The following MYH11 variants were observed in gnomAD, a reference collection of about 807,000 sequenced individuals.
MYH11 encodes myosin heavy chain 11.
A neutral mutation model predicts 246.6 loss-of-function variants in MYH11; 80 were observed. The ratio of observed to expected loss-of-function variants is 0.32; its 90% CI spans 0.27 to 0.39. The LOEUF (loss-of-function observed/expected upper bound fraction) is 0.39. Among genes scored for constraint, MYH11 ranks in the 10% least tolerant of loss-of-function variants. MYH11 has a pLI of 1.00. For synonymous variants in MYH11, 1,071 were observed against 1,015.5 expected, an observed-to-expected ratio of 1.05 and a Z score of -1.04; for missense variants, 2,158 against 2,546.8, an observed-to-expected ratio of 0.85 and a Z score of 3.29.
chr16:15,784,710 T>TGGG (rs770162554), intron 5 of MYH11: 2 of 1,613,890 alleles, frequency 1.2e-6, no homozygotes, highest in East Asian at 4.5e-5. Flanking sequence ...AGGCAAAAGA[T>TGGG]GGGCCTTGCT....
intron 5 of MYH11, chr16:15,786,206 G>A: frequency 2.8e-6 from 1 of 355,112 alleles, no homozygotes. Flanking sequence ...AGATATTTTT[G>A]GTTGTCACAA....
intron 40 of MYH11, among the ~76,000 whole-genome samples, chr16:15,707,061 TAG>T (rs970320643): frequency 1.4e-4 from 21 of 152,172 alleles, no homozygotes; most frequent in African/African-American, 2.2e-4. Context: ...TTTTTTGAAA[TAG>T]AGTCTCGCTG....
chr16:15,741,720 C>T (rs2041278059), intron 21 of MYH11, 40 bp downstream of exon 21: 3 of 1,614,112 alleles, frequency 1.9e-6, no homozygotes, highest in Non-Finnish European at 2.5e-6. Flanking sequence ...GGGCCAAGTC[C>T]TGTTCCCCAG....
chr16:15,762,043 C>T (rs945553342), intron 10 of MYH11, among the ~76,000 whole-genome samples: 4 of 152,238 alleles, frequency 2.6e-5, no homozygotes, highest in Admixed American at 6.5e-5. Context: ...GGCACAATCT[C>T]GGCGCACTGC....
chr16:15,751,495 C>T (rs953225032), intron 15 of MYH11, among the ~76,000 whole-genome samples: 6 of 151,796 alleles, frequency 4.0e-5, no homozygotes, highest in Non-Finnish European at 5.9e-5. Flanking sequence ...TCATCATCAT[C>T]ACCTCCAAGG....
At chr16:15,745,582 CTTTTTT>C (rs71981525) in intron 19 of MYH11, among the ~76,000 whole-genome samples, 2 of 94,412 alleles carry the variant, frequency 2.1e-5, no homozygotes, top group African/African-American at 8.1e-5. Flanking sequence ...TTCTTTCTTT[CTTTTTT>C]TTTTTTTTTT....
chr16:15,705,984 C>CAAAAAAAAAAAAAAA (rs57451847), intron 40 of MYH11, among the ~76,000 whole-genome samples: 718 of 56,734 alleles, frequency 0.013, 176 homozygotes, highest in African/African-American at 0.065. Flanking sequence ...GACTCCGTCT[C>CAAAAAAAAAAAAAAA]AAAAAAAAAA....
chr16:15,806,141 G>A (rs998240696), intron 3 of MYH11, among the ~76,000 whole-genome samples: 45 of 151,650 alleles, frequency 3.0e-4, no homozygotes, highest in African/African-American at 9.2e-4. Flanking sequence ...GCCAGGTGTG[G>A]TGGCACGTGC....
At chr16:15,764,537 G>A (rs1240237504) in intron 9 of MYH11, among the ~76,000 whole-genome samples, 2 of 152,062 alleles carry the variant, frequency 1.3e-5, no homozygotes, top group Non-Finnish European at 2.9e-5. Flanking sequence ...AAAGAGGACA[G>A]ATGGAAACAA....
chr16:15,833,369 G>GAGGA (rs2043797551), intron 2 of MYH11, among the ~76,000 whole-genome samples: 1 of 127,996 alleles, frequency 7.8e-6, no homozygotes, highest in African/African-American at 2.8e-5. Context: ...AAGAAAGAGA[G>GAGGA]AGGGAGGGAG....
chr16:15,852,248 A>C (rs1267774801), intron 1 of MYH11, among the ~76,000 whole-genome samples: 2 of 150,932 alleles, frequency 1.3e-5, no homozygotes, highest in Non-Finnish European at 2.9e-5. Flanking sequence ...CCTGGAAAAT[A>C]TTGTCTTCCA....
chr16:15,724,510 G>T lies in MYH11; in HGVS notation c.4117-101C>A, dbSNP rs886051742. ...GAAGCGAAGACCATGTCTCCTCGTT[G>T]GAGAAACCCAATAGCAGGGGAAGCT... On this transcript the variant is annotated intron_variant, in intron 30 of 40. Transcript: ENST00000300036. The T allele has an allele frequency of 7.3e-5, 118 of 1,607,512 alleles. No homozygotes were observed. Among genetic ancestry groups the T allele is most frequent in the Non-Finnish European group, 1.5e-5 (18 of 1,177,448 alleles).
intron 2 of MYH11, among the ~76,000 whole-genome samples, chr16:15,827,550 G>A (rs2043605003): frequency 6.6e-6 from 1 of 152,110 alleles, no homozygotes; most frequent in African/African-American, 2.4e-5. Flanking sequence ...TGCCTGCCTG[G>A]ACACCCCTCT....
rs202136377 is a variant in MYH11, at chr16:15,737,547, G to A, written c.3195C>T (p.Ser1065=). 1.8e-5 allele frequency: 29 copies of A among 1,613,924 alleles called. No individual in the cohort carries two copies. The highest frequency in any genetic ancestry group is 1.6e-4 in the South Asian group (15 of 91,082). ...GGTCAGCGATCTGCTCGTGGAAGTC[G>A]CTGGCATCACCCTCCAGCTTCCGTT... ...KLKRKLEGDA[S]DFHEQIADLQ... Residue 1065 remains serine, a synonymous_variant, in exon 25 of 41, where the codon AGC becomes AGT. Transcript: ENST00000300036.
intron 3 of MYH11, among the ~76,000 whole-genome samples, chr16:15,807,026 G>A (rs183123852): frequency 1.3e-5 from 2 of 151,968 alleles, no homozygotes; most frequent in African/African-American, 2.4e-5. Flanking sequence ...GCAGTAGCAC[G>A]ATCATAGCTA....
chr16:15,720,233 C>A lies in MYH11; in HGVS notation c.4871G>T (p.Gly1624Val). 6.2e-7 allele frequency: 1 copy of A among 1,614,124 alleles called. No individual in the cohort carries two copies. Among genetic ancestry groups the A allele is most frequent in the East Asian group, 2.2e-5 (1 of 44,878 alleles). Residue 1624 changes from glycine (G) to valine (V), a missense_variant, in exon 34 of 41, where the codon GGG becomes GTG. Transcript: ENST00000300036. ...LAAAAKKKLE[G>V]DLKDLELQAD... ...CTGAAGCTCCAGGTCTTTCAGGTCC[C>A]CTTCCAGCTTCTTCTTTGCTGCAGC...
rs538479441 is a variant in MYH11, at chr16:15,762,099, T to C, written c.1130-1441A>G. Among the ~76,000 whole-genome samples the C allele has an allele frequency of 8.5e-5, 13 of 152,318 alleles. No individual in the cohort carries two copies. In the East Asian group the frequency reaches 9.7e-4, roughly 11 times the overall value. Reference sequence around the variant, plus strand: ...AAGCAGTTCTCCTGCCTCAGCCTCCTGAGTAGCTGGGATTACAGGCGCCTG... The same window carrying C: ...AAGCAGTTCTCCTGCCTCAGCCTCCCGAGTAGCTGGGATTACAGGCGCCTG... On this transcript the variant is annotated intron_variant, in intron 10 of 40. Transcript: ENST00000300036.
chr16:15,785,651 C>A (rs2151306369), intron 5 of MYH11: 1 of 152,244 alleles, frequency 6.6e-6, no homozygotes, highest in Non-Finnish European at 1.5e-5. Context: ...GTGGTCAGAT[C>A]TCCATCCTAC....
intron 26 of MYH11, 86 bp downstream of exon 26, chr16:15,735,280 G>T: frequency 2.0e-6 from 3 of 1,466,674 alleles, no homozygotes; most frequent in Non-Finnish European, 2.9e-6. Flanking sequence ...GCTGATGCAC[G>T]ATTTGCTTTG....
Sources: allele counts gnomAD v4.1 joint callset (sites outside exome capture counted in the v4.1 genomes callset), GRCh38; gene constraint gnomAD v4.1.1; transcripts MANE v1.5; gene names NCBI Gene and HGNC (gene_info 2026-07-23, HGNC 2026-07-21).